MTRFR: variants seen among roughly 807,000 people sequenced by gnomAD.
MTRFR encodes the protein mitochondrial translation release factor in rescue, also known as probable peptide chain release factor C12orf65, mitochondrial.
MTRFR carries 10 observed loss-of-function variants against 11.9 expected under a neutral mutation model. The ratio of observed to expected loss-of-function variants is 0.84; its 90% CI spans 0.52 to 1.42. The LOEUF (loss-of-function observed/expected upper bound fraction) is 1.42, where lower values mean the gene tolerates loss of function less well. MTRFR is among the 40% of genes most tolerant of loss of function. MTRFR has a pLI of 0.00. For missense variants in MTRFR, 196 were observed against 197.9 expected (o/e 0.99, Z 0.06); for synonymous variants, 77 against 79.1 (o/e 0.97, Z 0.14).
chr12:123,246,902 T>A (rs1172841771), intron 1 of MTRFR, among the ~76,000 whole-genome samples: 1 of 151,880 alleles, frequency 6.6e-6, no homozygotes, highest in Non-Finnish European at 1.5e-5. Context: ...GGCTAATTTT[T>A]GTATTTTTAG....
At position 123,253,802 on chromosome 12, in the gene MTRFR, T is replaced by C. The variant is rs554527457; in HGVS notation, c.128T>C (p.Met43Thr). 6.2e-7 allele frequency: 1 copy of C among 1,614,232 alleles called. No individual in the cohort carries two copies. Among genetic ancestry groups the C allele is most frequent in the South Asian group, 1.1e-5 (1 of 91,086 alleles). Residue 43 changes from methionine to threonine, a missense_variant, in exon 2 of 3, where the codon ATG (methionine) becomes ACG (threonine). By Grantham distance (81) the Met-to-Thr change is moderately conservative. Coordinates refer to ENST00000253233, the MANE Select transcript of MTRFR (RefSeq NM_152269.5). ...SPGIAVTPVQMAGKKDYPALL... is the reference protein window; with the variant it reads ...SPGIAVTPVQTAGKKDYPALL... ...GGAATAGCTGTCACTCCGGTCCAGA[T>C]GGCAGGCAAGAAGGACTACCCTGCA...
intron 2 of MTRFR, 62 bp downstream of exon 2, chr12:123,254,018 AT>A: frequency 6.3e-7 from 1 of 1,593,062 alleles, no homozygotes; most frequent in Admixed American, 1.7e-5. Context: ...GCCTCCAGAG[AT>A]TTCTCCCAAG....
At chr12:123,242,643 A>G (rs1039828970) in intron 1 of MTRFR, among the ~76,000 whole-genome samples, 1 of 152,142 alleles carries the variant, frequency 6.6e-6, no homozygotes, top group Non-Finnish European at 1.5e-5. Context: ...AACACCGGAG[A>G]CCTTCTTGAA....
chr12:123,249,799 G>A (rs549883011), intron 1 of MTRFR: 2 of 152,516 alleles, frequency 1.3e-5, no homozygotes, highest in African/African-American at 4.8e-5. Context: ...GAGAGCGAGT[G>A]AGGGCTACTA....
At chr12:123,237,066 C>G (rs1249092254) in intron 1 of MTRFR, among the ~76,000 whole-genome samples, 1 of 151,734 alleles carries the variant, frequency 6.6e-6, no homozygotes, top group Non-Finnish European at 1.5e-5. Flanking sequence ...GGCTGGGTGA[C>G]AGAGTGAGAC....
chr12:123,238,586 C>G (rs2047886503), intron 1 of MTRFR, among the ~76,000 whole-genome samples: 1 of 151,990 alleles, frequency 6.6e-6, no homozygotes, highest in African/African-American at 2.4e-5. Context: ...GACTGGGCAA[C>G]ATGATGAAAC....
chr12:123,244,960 T>TTTTTTTTTTTTTG (rs71085871), intron 1 of MTRFR, among the ~76,000 whole-genome samples: 1 of 118,426 alleles, frequency 8.4e-6, no homozygotes, highest in African/African-American at 3.5e-5. Context: ...TTTTTTTTTT[T>TTTTTTTTTTTTTG]AGACAGAGTC....
intron 1 of MTRFR, among the ~76,000 whole-genome samples, chr12:123,247,273 T>C (rs2048056019): frequency 6.6e-6 from 1 of 152,186 alleles, no homozygotes. Context: ...ACTATTATTG[T>C]GCTGCTGTCT....
chr12:123,255,781 C>T (rs60254089), intron 2 of MTRFR, among the ~76,000 whole-genome samples: 7,378 of 152,250 alleles, frequency 0.048, 323 homozygotes, highest in East Asian at 0.26. Context: ...CCCATCACCA[C>T]GCCCAGCTAA....
In MTRFR at chr12:123,253,948, G is replaced by C. The variant is rs781746861; in HGVS notation, c.274G>C (p.Val92Leu). Residue 92 changes from valine to leucine, a missense_variant, in exon 2 of 3, where the codon GTT becomes CTT. Val to Leu is a conservative substitution (Grantham distance 32). Coordinates refer to ENST00000253233, the MANE Select transcript of MTRFR (RefSeq NM_152269.5). The stretch of plus-strand genomic sequence containing the variant: ...GCTGAAGCACATCCCCTCAGGCATC[G>C]TTGTAAAGGTAGATCACAGAAGGCC... ...VVLKHIPSGI[V>L]VKCHQTRSVD... 9.3e-6 allele frequency: 15 copies of C among 1,614,134 alleles called. No homozygotes were observed. Among genetic ancestry groups the C allele is most frequent in the Non-Finnish European group, 1.3e-5 (15 of 1,180,022 alleles).
chr12:123,249,728 G>A (rs2048090725), intron 1 of MTRFR: 1 of 152,488 alleles, frequency 6.6e-6, no homozygotes, highest in African/African-American at 2.4e-5. Flanking sequence ...CCACAGTGCA[G>A]CGGCGGGCTG....
At chr12:123,242,693 T>C (rs1241063963) in intron 1 of MTRFR, among the ~76,000 whole-genome samples, 1 of 152,220 alleles carries the variant, frequency 6.6e-6, no homozygotes, top group African/African-American at 2.4e-5. Context: ...GTCTGGCAGC[T>C]CTGAACTAGG....
intron 1 of MTRFR, among the ~76,000 whole-genome samples, chr12:123,235,664 G>A (rs534092803): frequency 4.6e-5 from 7 of 151,316 alleles, no homozygotes; most frequent in Non-Finnish European, 1.0e-4. Context: ...GAGCCACCGC[G>A]CTCGGCCTGG....
Position 123,251,797 on chromosome 12 carries a change from A to G in MTRFR, c.-28-1850A>G, listed in dbSNP as rs150908436. Among the ~76,000 whole-genome samples, 984 of 152,264 alleles carry G rather than the reference A, an allele frequency of 6.5e-3. 12 individuals are homozygous for G. The highest frequency in any genetic ancestry group is 0.022 in the African/African-American group (903 of 41,552). On this transcript the variant is annotated intron_variant, in intron 1 of 2. Coordinates refer to ENST00000253233, the MANE Select transcript of MTRFR (RefSeq NM_152269.5). ...GATCTAGAGCTAAAATTCACAATGC[A>G]AGCCTCTGCATGCTGCTCTGTCTGA...
chr12:123,253,510 T>C (rs2138792025), intron 1 of MTRFR, 137 bp from the exon 2 acceptor site: 1 of 804,050 alleles, frequency 1.2e-6, no homozygotes. Flanking sequence ...AATGTGTCTC[T>C]ACTCATTTCC....
intron 1 of MTRFR, among the ~76,000 whole-genome samples, chr12:123,241,220 A>G (rs940808934): frequency 4.7e-5 from 7 of 150,292 alleles, no homozygotes; most frequent in African/African-American, 1.5e-4. Flanking sequence ...ATGAACTCCC[A>G]GCTTCATGGG....
intron 1 of MTRFR, among the ~76,000 whole-genome samples, chr12:123,235,449 C>T (rs1312176145): frequency 6.6e-6 from 1 of 152,032 alleles, no homozygotes; most frequent in Non-Finnish European, 1.5e-5. Context: ...ACTGCAAGCT[C>T]CGCCCCCCAG....
At chr12:123,236,101 TAAGGAA>T (rs1433265665) in intron 1 of MTRFR, among the ~76,000 whole-genome samples, 2 of 151,838 alleles carry the variant, frequency 1.3e-5, no homozygotes, top group African/African-American at 4.8e-5. Context: ...CAGAAAAAGT[TAAGGAA>T]AAGGAGCTAA....
chr12:123,251,369 G>C (rs1354232420), intron 1 of MTRFR: 1 of 152,280 alleles, frequency 6.6e-6, no homozygotes, highest in Non-Finnish European at 1.5e-5. Context: ...TTCTCACCCT[G>C]TTTAAATTGT....
Sources: gnomAD v4.1 joint callset for allele counts (sites outside exome capture counted in the v4.1 genomes callset) on GRCh38, gnomAD v4.1.1 for gene constraint, MANE v1.5 for transcripts, NCBI Gene and HGNC (gene_info 2026-07-23, HGNC 2026-07-21) for gene names.